Variants in MIPEP observed in about 807,000 individuals in gnomAD.
MIPEP encodes the protein mitochondrial intermediate peptidase.
MIPEP carries 79 observed loss-of-function variants against 90.3 expected under a neutral mutation model. That is an observed-to-expected ratio of 0.87 (90% CI 0.73 to 1.05). MIPEP has a LOEUF of 1.05. Ranked by LOEUF, MIPEP falls within the 50% of genes least tolerant of loss-of-function variation. MIPEP has a pLI of 0.00. For missense variants in MIPEP, 940 were observed against 905.6 expected (o/e 1.04, Z -0.49); for synonymous variants, 334 against 315.8 (o/e 1.06, Z -0.61).
intron 16 of MIPEP, among the ~76,000 whole-genome samples, chr13:23,775,472 T>C (rs1037928036): frequency 1.1e-4 from 16 of 152,336 alleles, no homozygotes; most frequent in Admixed American, 3.9e-4. Flanking sequence ...CCTGAAGTCC[T>C]GATAATTTTA....
At chr13:23,756,959 A>G (rs116984184) in intron 17 of MIPEP, 3,937 of 283,234 alleles carry the variant, frequency 0.014, 41 homozygotes, top group Non-Finnish European at 0.021. Flanking sequence ...TTTGTGAAAG[A>G]CAATTTTTCC....
chr13:23,870,713 G>A (rs1870762978), intron 5 of MIPEP, among the ~76,000 whole-genome samples: 1 of 152,070 alleles, frequency 6.6e-6, no homozygotes, highest in South Asian at 2.1e-4. Context: ...GCTGAGGCAC[G>A]AGAATCGCTC....
At chr13:23,756,867 C>T in intron 17 of MIPEP, 1 of 488,324 alleles carries the variant, frequency 2.0e-6, no homozygotes, top group Non-Finnish European at 3.6e-6. Flanking sequence ...GTTCTGTTAA[C>T]AAGAGACCTC....
At chr13:23,836,499 A>G (rs1593182042) in intron 13 of MIPEP, 150 bp from the exon 14 acceptor site, 1 of 490,350 alleles carries the variant, frequency 2.0e-6, no homozygotes, top group East Asian at 3.3e-5. Context: ...AATTTATTGT[A>G]CATATTTGCA....
At chr13:23,818,878 T>G (rs576954916) in intron 14 of MIPEP, among the ~76,000 whole-genome samples, 2 of 152,224 alleles carry the variant, frequency 1.3e-5, no homozygotes, top group Non-Finnish European at 2.9e-5. Context: ...TGAGTAGTGG[T>G]CTAGATCCCT....
intron 7 of MIPEP, among the ~76,000 whole-genome samples, chr13:23,868,365 T>G (rs1870633205): frequency 6.6e-6 from 1 of 151,984 alleles, no homozygotes; most frequent in African/African-American, 2.4e-5. Context: ...GGGAAACAGT[T>G]GTTTACGAAA....
chr13:23,824,636 T>C (rs990974751), intron 14 of MIPEP, among the ~76,000 whole-genome samples: 5 of 152,216 alleles, frequency 3.3e-5, no homozygotes, highest in African/African-American at 4.8e-5. Flanking sequence ...CACGTGTCTA[T>C]AATGGAAAAA....
chr13:23,736,269 A>G (rs1008427824), intron 18 of MIPEP, among the ~76,000 whole-genome samples: 3 of 152,228 alleles, frequency 2.0e-5, no homozygotes, highest in Admixed American at 1.3e-4. Context: ...ATAGCAATAT[A>G]AGAAAGACAA....
chr13:23,831,383 C>CGGCGGGG lies in MIPEP; in HGVS notation c.1653+4856_1653+4857insCCCCGCC, dbSNP rs1555237538. On this transcript the variant is annotated intron_variant, in intron 14 of 18. Coordinates refer to ENST00000382172, the MANE Select transcript of MIPEP (RefSeq NM_005932.4). ...CGGGGACAGCCTAGCTTCCCCATGG[C>CGGCGGGG]GGGGGGGGGATGTGGATGGGAATTG... Among the ~76,000 whole-genome samples the CGGCGGGG allele has an allele frequency of 2.4e-4, 10 of 40,898 alleles. 1 individual carries two copies. The highest frequency in any genetic ancestry group is 8.4e-4 in the African/African-American group (10 of 11,964). 26.8% of individuals were successfully genotyped at this position (40,898 alleles called of 152,430 possible).
At chr13:23,746,354 C>T (rs1952383433) in intron 18 of MIPEP, among the ~76,000 whole-genome samples, 1 of 151,702 alleles carries the variant, frequency 6.6e-6, no homozygotes, top group African/African-American at 2.4e-5. Flanking sequence ...CATCTATAGG[C>T]AGAGTGCAGT....
intron 5 of MIPEP, among the ~76,000 whole-genome samples, chr13:23,874,530 C>T (rs1870974933): frequency 6.6e-6 from 1 of 152,194 alleles, no homozygotes; most frequent in Admixed American, 6.5e-5. Flanking sequence ...TACCAATCTT[C>T]AATGACATCA....
At chr13:23,883,970 T>C (rs1474242775) in intron 2 of MIPEP, among the ~76,000 whole-genome samples, 3 of 152,312 alleles carry the variant, frequency 2.0e-5, no homozygotes, top group African/African-American at 7.2e-5. Context: ...AGTAAGATAC[T>C]TTATCAGTTT....
intron 18 of MIPEP, among the ~76,000 whole-genome samples, chr13:23,736,899 A>G (rs1191971314): frequency 1.3e-5 from 2 of 152,030 alleles, no homozygotes; most frequent in Non-Finnish European, 2.9e-5. Flanking sequence ...GAGTCACACA[A>G]CTCATAGGTT....
rs1352153238 is a variant in MIPEP, at chr13:23,880,289, C to T, written c.453-935G>A. Among the ~76,000 whole-genome samples, 6 of 152,332 alleles carry T rather than the reference C, an allele frequency of 3.9e-5. No individual in the cohort carries two copies. In the South Asian group the frequency reaches 8.3e-4, roughly 21 times the overall value. On this transcript the variant is annotated intron_variant, in intron 3 of 18. Transcript: ENST00000382172. ...CCAAGAAGGGCCAGACTCCCACACACGGATCCCAGAAGTCAGGGAGAGAGT... is the reference window on the plus strand; with the variant it reads ...CCAAGAAGGGCCAGACTCCCACACATGGATCCCAGAAGTCAGGGAGAGAGT...
Position 23,820,670 on chromosome 13 carries a change from C to T in MIPEP, c.1654-10746G>A, listed in dbSNP as rs368059043. ...GCTTCTCTTCAGCTCTTCTCCATCG[C>T]ACCTGGCTCTGCCTCTCCCAGGCCA... On this transcript the variant is annotated intron_variant, in intron 14 of 18. Transcript: ENST00000382172. 5.9e-5 allele frequency among the ~76,000 whole-genome samples: 9 copies of T among 152,352 alleles called. No individual in the cohort carries two copies. In the South Asian group the frequency reaches 1.9e-3, roughly 32 times the overall value.
At chr13:23,756,046 T>C (rs1952487978) in intron 18 of MIPEP, among the ~76,000 whole-genome samples, 1 of 152,222 alleles carries the variant, frequency 6.6e-6, no homozygotes, top group Admixed American at 6.5e-5. Context: ...TGAATCTTTA[T>C]CCTGGTACTT....
intron 16 of MIPEP, among the ~76,000 whole-genome samples, chr13:23,763,051 G>A (rs965566983): frequency 2.6e-5 from 4 of 152,182 alleles, no homozygotes; most frequent in Admixed American, 1.3e-4. Context: ...AAGAGACTAG[G>A]ACCATCTATG....
At chr13:23,852,750 C>G (rs1869851937) in intron 10 of MIPEP, among the ~76,000 whole-genome samples, 1 of 152,182 alleles carries the variant, frequency 6.6e-6, no homozygotes, top group Non-Finnish European at 1.5e-5. Context: ...GAAACAGCCT[C>G]AGGCCGGTCC....
Position 23,889,326 on chromosome 13 carries a change from C to T in MIPEP, c.-6G>A. On this transcript the variant is annotated 5_prime_UTR_variant, in exon 1 of 19. Coordinates refer to ENST00000382172, the MANE Select transcript of MIPEP (RefSeq NM_005932.4). ...AGCCTTCCGACGCACAGCATTCTAG[C>T]ACCAGAGCAGTCCCTTCCTCCAACG... is the stretch of plus-strand genomic sequence containing the variant. The T allele has an allele frequency of 7.5e-7, 1 of 1,335,014 alleles. No homozygotes were observed. The allele number at this position is 1,335,014 out of a possible 1,614,324, so 82.7% of individuals were successfully genotyped here. A position where few individuals can be genotyped will look rare whatever the true frequency, so the allele number is the denominator to read the frequency against.
Sources: gnomAD v4.1 joint callset for allele counts (sites outside exome capture counted in the v4.1 genomes callset) on GRCh38, gnomAD v4.1.1 for gene constraint, MANE v1.5 for transcripts, NCBI Gene and HGNC (gene_info 2026-07-23, HGNC 2026-07-21) for gene names.